Variants in CNTNAP2 observed in about 807,000 individuals in gnomAD.
CNTNAP2 encodes the protein contactin-associated protein-like 2.
A neutral mutation model predicts 155.2 loss-of-function variants in CNTNAP2; 98 were observed. The observed-to-expected ratio is 0.63, with a 90% CI of 0.54 to 0.75. The LOEUF (loss-of-function observed/expected upper bound fraction) is 0.75, where lower values mean the gene tolerates loss of function less well. Ranked by LOEUF, CNTNAP2 falls within the 30% of genes least tolerant of loss-of-function variation. The probability of loss-of-function intolerance (pLI) is 0.00; values close to 1 mark genes in which losing one functional copy is unlikely to be tolerated. For synonymous variants in CNTNAP2, 651 were observed against 631.2 expected (o/e 1.03, Z -0.47); for missense variants, 1,727 against 1,688.1 (o/e 1.02, Z -0.40).
intron 14 of CNTNAP2, among the ~76,000 whole-genome samples, chr7:147,924,143 C>CTTTTCTTTTCTTT (rs1554450278): frequency 8.1e-6 from 1 of 123,494 alleles, no homozygotes; most frequent in Non-Finnish European, 1.6e-5. Context: ...CTTTTCTTTT[C>CTTTTCTTTTCTTT]TTTTTTTTTT....
At chr7:148,141,359 A>G (rs1467904644) in intron 16 of CNTNAP2, among the ~76,000 whole-genome samples, 1 of 152,252 alleles carries the variant, frequency 6.6e-6, no homozygotes, top group Non-Finnish European at 1.5e-5. Flanking sequence ...AAACAGACAT[A>G]ACTAATGTAG....
At chr7:148,257,729 T>C (rs922683977) in intron 20 of CNTNAP2, among the ~76,000 whole-genome samples, 2 of 151,960 alleles carry the variant, frequency 1.3e-5, no homozygotes, top group African/African-American at 2.4e-5. Context: ...TGCATGAAAA[T>C]TCGGAGTCCC....
At chr7:147,306,702 G>A (rs190021125) in intron 9 of CNTNAP2, among the ~76,000 whole-genome samples, 1 of 152,278 alleles carries the variant, frequency 6.6e-6, no homozygotes, top group East Asian at 1.9e-4. Context: ...TAAGACTTGG[G>A]GTTAGCAACC....
intron 1 of CNTNAP2, among the ~76,000 whole-genome samples, chr7:146,669,477 C>T (rs5003780): frequency 0.81 from 123,063 of 152,144 alleles, 50,383 homozygotes; most frequent in South Asian, 0.91. Context: ...ACATCAATTG[C>T]GTGTAACCAA....
rs150645312 is a variant in CNTNAP2, at chr7:148,126,581, A to G, written c.2554+8293A>G. Among the ~76,000 whole-genome samples the G allele has an allele frequency of 2.2e-4, 34 of 152,352 alleles. No homozygotes were observed. The East Asian group carries it at 6.6e-3, about 29-fold the overall frequency. Reference sequence around the variant, plus strand: ...GAAATGGAATTTTGTAGGTTGTATCAAAAGGCTGCGGAGAAAGTCAGGGCA... The same window carrying G: ...GAAATGGAATTTTGTAGGTTGTATCGAAAGGCTGCGGAGAAAGTCAGGGCA... On this transcript the variant is annotated intron_variant, in intron 16 of 23. Transcript: ENST00000361727.
chr7:148,027,689 C>T (rs755593544), intron 15 of CNTNAP2, among the ~76,000 whole-genome samples: 16 of 152,094 alleles, frequency 1.1e-4, no homozygotes, highest in South Asian at 6.2e-4. Flanking sequence ...ATTTGAGAAA[C>T]GCTGATATAA....
intron 13 of CNTNAP2, among the ~76,000 whole-genome samples, chr7:147,746,601 T>C (rs144046898): frequency 2.6e-5 from 4 of 152,218 alleles, no homozygotes; most frequent in African/African-American, 9.6e-5. Context: ...AGTTATCCCA[T>C]GCTACTTCCC....
intron 1 of CNTNAP2, among the ~76,000 whole-genome samples, chr7:146,631,430 C>G (rs1030029174): frequency 2.0e-5 from 3 of 152,152 alleles, no homozygotes; most frequent in African/African-American, 7.2e-5. Context: ...ATGCCTCCTA[C>G]ACTGAACTAA....
At chr7:147,881,672 A>G (rs190804131) in intron 13 of CNTNAP2, among the ~76,000 whole-genome samples, 1 of 152,332 alleles carries the variant, frequency 6.6e-6, no homozygotes, top group East Asian at 1.9e-4. Flanking sequence ...GTTTGTATCT[A>G]TACATAAAGA....
intron 1 of CNTNAP2, among the ~76,000 whole-genome samples, chr7:146,667,963 A>G (rs1052874206): frequency 6.6e-6 from 1 of 152,020 alleles, no homozygotes; most frequent in Admixed American, 6.5e-5. Flanking sequence ...GATGCCCTTT[A>G]ATTTTCATTT....
rs1013407305 is a variant in CNTNAP2, at chr7:147,365,284, A to T, written c.1499-30325A>T. On this transcript the variant is annotated intron_variant, in intron 9 of 23. Coordinates refer to ENST00000361727, the MANE Select transcript of CNTNAP2 (RefSeq NM_014141.6). ...CCAGGTGTGGTGGCGGGTACCTGTA[A>T]TCCCAGCTCGAACCCAGGAGGCGGA... Among the ~76,000 whole-genome samples, 3 of 150,662 alleles carry T rather than the reference A, an allele frequency of 2.0e-5. No homozygotes were observed. In the Admixed American group the frequency reaches 2.0e-4, roughly 10 times the overall value.
intron 8 of CNTNAP2, among the ~76,000 whole-genome samples, chr7:147,149,662 G>C (rs929638033): frequency 8.5e-5 from 13 of 152,104 alleles, no homozygotes; most frequent in Non-Finnish European, 1.5e-4. Flanking sequence ...TGGATGGATA[G>C]ATAGGTAGAT....
intron 3 of CNTNAP2, among the ~76,000 whole-genome samples, chr7:146,929,163 G>A (rs953451645): frequency 1.3e-5 from 2 of 152,174 alleles, no homozygotes; most frequent in Non-Finnish European, 2.9e-5. Flanking sequence ...CCTGACCTCC[G>A]AGCAGCCTAA....
In CNTNAP2 at chr7:147,625,477, G is replaced by C. The variant is rs9640508; in HGVS notation, c.1898-13629G>C. On this transcript the variant is annotated intron_variant, in intron 12 of 23. Transcript: ENST00000361727. Reference sequence around the variant, plus strand: ...ATATACAAGTGTTACAAAATAATTTGTAAAATGCATCAACAGTAACTGTTC... The same window carrying C: ...ATATACAAGTGTTACAAAATAATTTCTAAAATGCATCAACAGTAACTGTTC... Among the ~76,000 whole-genome samples the C allele has an allele frequency of 2.8e-4, 43 of 152,334 alleles. No individual in the cohort carries two copies. In the East Asian group the frequency reaches 8.3e-3, roughly 29 times the overall value.
At chr7:146,466,155 C>A (rs141152702) in intron 1 of CNTNAP2, among the ~76,000 whole-genome samples, 1 of 152,094 alleles carries the variant, frequency 6.6e-6, no homozygotes, top group Non-Finnish European at 1.5e-5. Context: ...AGCAAAGAAG[C>A]GATTCTTGAA....
chr7:146,543,192 GTAAA>G (rs1384217509), intron 1 of CNTNAP2, among the ~76,000 whole-genome samples: 6 of 151,636 alleles, frequency 4.0e-5, no homozygotes, highest in African/African-American at 1.2e-4. Context: ...ATTTAAATAA[GTAAA>G]TAATTTTTTA....
At chr7:147,406,815 C>CTG (rs1397564993) in intron 10 of CNTNAP2, among the ~76,000 whole-genome samples, 6 of 152,268 alleles carry the variant, frequency 3.9e-5, no homozygotes, top group African/African-American at 1.4e-4. Flanking sequence ...ATTACGGTAT[C>CTG]TGAAAAGGGT....
intron 1 of CNTNAP2, among the ~76,000 whole-genome samples, chr7:146,671,158 A>C (rs1406222287): frequency 6.6e-6 from 1 of 152,130 alleles, no homozygotes. Context: ...GTAAAAACAA[A>C]ACAAAAGTAA....
At chr7:147,211,039 A>G (rs1584795090) in intron 8 of CNTNAP2, among the ~76,000 whole-genome samples, 1 of 147,194 alleles carries the variant, frequency 6.8e-6, no homozygotes, top group African/African-American at 2.5e-5. Context: ...ATTTATTGAG[A>G]CTTGCTTTAT....
Sources: allele counts gnomAD v4.1 joint callset (sites outside exome capture counted in the v4.1 genomes callset), GRCh38; gene constraint gnomAD v4.1.1; transcripts MANE v1.5; gene names NCBI Gene and HGNC (gene_info 2026-07-23, HGNC 2026-07-21).